Variants in AK5 observed in about 807,000 individuals in gnomAD.
AK5 encodes adenylate kinase 5, also known as adenylate kinase isoenzyme 5.
Under a neutral mutation model 69.5 loss-of-function variants are expected in AK5, and 27 were observed. That is an observed-to-expected ratio of 0.39 (90% CI 0.29 to 0.54). The LOEUF (loss-of-function observed/expected upper bound fraction) is 0.54. AK5 is among the 20% of genes least tolerant of loss of function. The pLI is 0.71. For missense variants in AK5, 531 were observed against 700.4 expected (o/e 0.76, Z 2.73); for synonymous variants, 260 against 244.4 (o/e 1.06, Z -0.60).
In AK5 at chr1:77,412,209, T is replaced by C. The variant is rs150404316; in HGVS notation, c.982+1138T>C. 1.6e-3 allele frequency among the ~76,000 whole-genome samples: 247 copies of C among 152,244 alleles called. 1 individual carries two copies. The highest frequency in any genetic ancestry group is 5.8e-3 in the African/African-American group (240 of 41,560). ...AGCACTTCGTGGCTCCCTAGCGGTG[T>C]TTCTCCACTAGGGAGCCTTGTGCCC... On this transcript the variant is annotated intron_variant, in intron 7 of 13. Coordinates refer to ENST00000354567, the MANE Select transcript of AK5 (RefSeq NM_174858.3).
intron 8 of AK5, among the ~76,000 whole-genome samples, chr1:77,427,215 C>T (rs1344239083): frequency 6.6e-6 from 1 of 151,926 alleles, no homozygotes; most frequent in Non-Finnish European, 1.5e-5. Flanking sequence ...AAACCAAAAG[C>T]TGGATCTTTG....
chr1:77,470,847 A>T (rs867090858), intron 8 of AK5, among the ~76,000 whole-genome samples: 24 of 1,662 alleles, frequency 0.014, no homozygotes, highest in South Asian at 0.05. Context: ...ATATATATAT[A>T]TATATATATA....
rs775755519 is a variant in AK5, at chr1:77,401,720, G to T, written c.892-9261G>T. Among the ~76,000 whole-genome samples the T allele has an allele frequency of 2.6e-5, 4 of 152,038 alleles. No individual in the cohort carries two copies. In the East Asian group the frequency reaches 5.8e-4, roughly 22 times the overall value. ...AAAATAAAAACAAAAACTCATTTCC[G>T]CCATTAAAAATGCAAACCATGATTA... On this transcript the variant is annotated intron_variant, in intron 6 of 13. Transcript: ENST00000354567.
intron 13 of AK5, among the ~76,000 whole-genome samples, chr1:77,547,599 A>AT (rs918641267): frequency 2.4e-4 from 36 of 151,866 alleles, no homozygotes; most frequent in African/African-American, 7.3e-4. Flanking sequence ...ATATTTTTAC[A>AT]TTTTTTTTAT....
Position 77,412,207 on chromosome 1 carries a change from T to TAGGGAAACACC in AK5, c.982+1136_982+1137insAGGGAAACACC, listed in dbSNP as rs1321948870. 5.3e-5 allele frequency among the ~76,000 whole-genome samples: 8 copies of TAGGGAAACACC among 152,254 alleles called. No homozygotes were observed. In the East Asian group the frequency reaches 1.5e-3, roughly 29 times the overall value. On this transcript the variant is annotated intron_variant, in intron 7 of 13. Coordinates refer to ENST00000354567, the MANE Select transcript of AK5 (RefSeq NM_174858.3). ...CCAGCACTTCGTGGCTCCCTAGCGG[T>TAGGGAAACACC]GTTTCTCCACTAGGGAGCCTTGTGC...
rs554748583 is a variant in AK5, at chr1:77,312,601, C to T, written c.699+14654C>T. ...CCACACTCCAGCCTGGGTGACAGAG[C>T]GAGTCTGTCTAAAAAAAAAAAAAAA... On this transcript the variant is annotated intron_variant, in intron 5 of 13. Coordinates refer to ENST00000354567, the MANE Select transcript of AK5 (RefSeq NM_174858.3). 9.4e-4 allele frequency among the ~76,000 whole-genome samples: 123 copies of T among 130,254 alleles called. 2 individuals are homozygous for T. Among genetic ancestry groups the T allele is most frequent in the Admixed American group, 1.4e-3 (17 of 12,022 alleles). The allele number at this position is 130,254 out of a possible 152,430, so 85.5% of individuals were successfully genotyped here.
chr1:77,319,320 C>T (rs1421407337), intron 5 of AK5, among the ~76,000 whole-genome samples: 3 of 152,196 alleles, frequency 2.0e-5, no homozygotes, highest in African/African-American at 7.2e-5. Flanking sequence ...CTGATTTATA[C>T]ATTTCAGAAG....
At chr1:77,424,562 A>G (rs1651063513) in intron 8 of AK5, among the ~76,000 whole-genome samples, 1 of 152,236 alleles carries the variant, frequency 6.6e-6, no homozygotes, top group Non-Finnish European at 1.5e-5. Context: ...GTAAGCAGAG[A>G]AGGAAATTCT....
chr1:77,302,242 GA>G lies in AK5; in HGVS notation c.699+4297del, dbSNP rs767837325. 2.2e-4 allele frequency among the ~76,000 whole-genome samples: 33 copies of G among 152,112 alleles called. 1 individual carries two copies. The highest frequency in any genetic ancestry group is 6.8e-3 in the Middle Eastern group (2 of 294). On this transcript the variant is annotated intron_variant, in intron 5 of 13. Coordinates refer to ENST00000354567, the MANE Select transcript of AK5 (RefSeq NM_174858.3). ...AAAAAAAAATGCCTTTTTTTGGCTAGAATTATGTTTATTTTGGTAAAAACTG... is the reference window on the plus strand; with the variant it reads ...AAAAAAAAATGCCTTTTTTTGGCTAGATTATGTTTATTTTGGTAAAAACTG...
chr1:77,289,030 CAA>C (rs1658524222), intron 2 of AK5, among the ~76,000 whole-genome samples: 1 of 152,096 alleles, frequency 6.6e-6, no homozygotes, highest in Non-Finnish European at 1.5e-5. Flanking sequence ...CTTACAATAC[CAA>C]AGAGATTTTT....
chr1:77,367,578 T>TG lies in AK5; in HGVS notation c.891+27010_891+27011insG, dbSNP rs1557532720. ...ATTTTTATATATATATATATATATATAATATATATGTTATATATGTAATAT... is the reference window on the plus strand; with the variant it reads ...ATTTTTATATATATATATATATATATGAATATATATGTTATATATGTAATAT... On this transcript the variant is annotated intron_variant, in intron 6 of 13. Transcript: ENST00000354567. 1.4e-3 allele frequency among the ~76,000 whole-genome samples: 15 copies of TG among 10,376 alleles called. 2 individuals carry two copies. The highest frequency in any genetic ancestry group is 4.3e-3 in the African/African-American group (15 of 3,524). 6.8% of individuals were successfully genotyped at this position (10,376 alleles called of 152,430 possible). A position where few individuals can be genotyped will look rare whatever the true frequency, so the allele number is the denominator to read the frequency against.
intron 8 of AK5, among the ~76,000 whole-genome samples, chr1:77,451,868 C>A (rs1399718251): frequency 6.6e-6 from 1 of 152,184 alleles, no homozygotes; most frequent in Non-Finnish European, 1.5e-5. Flanking sequence ...CTGTAAGGTA[C>A]CCATTTGAAG....
intron 6 of AK5, among the ~76,000 whole-genome samples, chr1:77,342,769 TAAG>T (rs915237068): frequency 6.6e-5 from 10 of 152,090 alleles, no homozygotes; most frequent in Non-Finnish European, 1.2e-4. Context: ...ATAAGCATGT[TAAG>T]ATTTTAATAA....
Position 77,482,500 on chromosome 1 carries a change from C to T in AK5, c.1060-817C>T, listed in dbSNP as rs552740950. On this transcript the variant is annotated intron_variant, in intron 8 of 13. Transcript: ENST00000354567. ...ATAGTTGCCCTGTAGGGGCCGGGCA[C>T]GGTGGCTCATGTCTGTAATCCCAGC... is the stretch of plus-strand genomic sequence containing the variant. 5.3e-5 allele frequency among the ~76,000 whole-genome samples: 8 copies of T among 152,218 alleles called. No homozygotes were observed. In the South Asian group the frequency reaches 1.5e-3, roughly 28 times the overall value.
intron 6 of AK5, among the ~76,000 whole-genome samples, chr1:77,389,341 A>C (rs576900179): frequency 5.3e-5 from 8 of 152,370 alleles, no homozygotes; most frequent in Non-Finnish European, 1.2e-4. Context: ...AAACGCCAGG[A>C]AAGAAAGTGG....
intron 8 of AK5, among the ~76,000 whole-genome samples, chr1:77,482,494 C>T (rs920741731): frequency 2.0e-5 from 3 of 152,096 alleles, no homozygotes; most frequent in East Asian, 1.9e-4. Flanking sequence ...CTGTAGGGGC[C>T]GGGCACGGTG....
intron 5 of AK5, among the ~76,000 whole-genome samples, chr1:77,304,218 C>G (rs1235321084): frequency 6.6e-6 from 1 of 152,074 alleles, no homozygotes; most frequent in Admixed American, 6.6e-5. Flanking sequence ...TGTCTATCTC[C>G]ATGACTTCAA....
At chr1:77,303,793 G>T (rs1670612) in intron 5 of AK5, among the ~76,000 whole-genome samples, 3 of 152,186 alleles carry the variant, frequency 2.0e-5, no homozygotes, top group Admixed American at 6.5e-5. Context: ...GCCATGGCCA[G>T]GTTCCAGCTG....
intron 8 of AK5, among the ~76,000 whole-genome samples, chr1:77,418,598 A>G (rs74092614): frequency 0.015 from 2,286 of 152,352 alleles, 64 homozygotes; most frequent in African/African-American, 0.052. Flanking sequence ...TTAATGAACC[A>G]AAATAGTTGG....
Sources: gnomAD v4.1 joint callset for allele counts (sites outside exome capture counted in the v4.1 genomes callset) on GRCh38, gnomAD v4.1.1 for gene constraint, MANE v1.5 for transcripts, NCBI Gene and HGNC (gene_info 2026-07-23, HGNC 2026-07-21) for gene names.